The following CCDC171 variants were observed in gnomAD, a reference collection of about 807,000 sequenced individuals.
CCDC171 encodes coiled-coil domain-containing protein 171.
In CCDC171, 177 loss-of-function variants were observed where a neutral mutation model predicts 168.2. The ratio of observed to expected loss-of-function variants is 1.05; its 90% CI spans 0.93 to 1.19. CCDC171 has a LOEUF of 1.19. Ranked by LOEUF, CCDC171 falls within the 50% of genes most tolerant of loss-of-function variation. CCDC171 has a pLI of 0.00. For synonymous variants in CCDC171, 687 were observed against 540.8 expected (o/e 1.27, Z -3.75); for missense variants, 1,991 against 1,539.0 (o/e 1.29, Z -4.91).
At chr9:15,871,041 T>C (rs1588938468) in intron 23 of CCDC171, among the ~76,000 whole-genome samples, 1 of 151,638 alleles carries the variant, frequency 6.6e-6, no homozygotes, top group Middle Eastern at 3.5e-3. Context: ...ATATGTCTAT[T>C]AGAGATATCT....
chr9:15,695,524 C>G (rs1022598193), intron 11 of CCDC171, among the ~76,000 whole-genome samples, 187 bp downstream of exon 11: 2 of 152,156 alleles, frequency 1.3e-5, no homozygotes, highest in African/African-American at 4.8e-5. Flanking sequence ...GAATATGGAC[C>G]TGCTGTTGTC....
intron 3 of CCDC171, among the ~76,000 whole-genome samples, chr9:15,989,200 C>T (rs963160569): frequency 6.6e-6 from 1 of 152,168 alleles, no homozygotes; most frequent in Non-Finnish European, 1.5e-5. Flanking sequence ...ACTGACACAC[C>T]ACACGGCAGG....
intron 7 of CCDC171, among the ~76,000 whole-genome samples, chr9:15,629,324 G>T (rs1352951039): frequency 1.3e-5 from 2 of 152,202 alleles, no homozygotes; most frequent in Admixed American, 6.5e-5. Context: ...ATACAGAGAA[G>T]TGCTTAAAGG....
intron 7 of CCDC171, among the ~76,000 whole-genome samples, chr9:15,650,828 A>G (rs1029897533): frequency 6.6e-6 from 1 of 152,110 alleles, no homozygotes; most frequent in Admixed American, 6.6e-5. Flanking sequence ...GCTATTCATC[A>G]TCTTGAACAT....
At chr9:15,911,307 C>CT (rs1241458473) in intron 24 of CCDC171, among the ~76,000 whole-genome samples, 2 of 152,238 alleles carry the variant, frequency 1.3e-5, no homozygotes, top group African/African-American at 4.8e-5. Context: ...TGATGATGAG[C>CT]TTTTTTTCAT....
chr9:15,754,534 C>T (rs1023197741), intron 18 of CCDC171, among the ~76,000 whole-genome samples: 1 of 152,112 alleles, frequency 6.6e-6, no homozygotes, highest in African/African-American at 2.4e-5. Flanking sequence ...CGCATACACA[C>T]ACACACCCCT....
upstream of CCDC171, among the ~76,000 whole-genome samples, chr9:16,039,157 T>C (rs1833530168): frequency 3.9e-5 from 6 of 152,176 alleles, no homozygotes; most frequent in South Asian, 1.2e-3. Context: ...GTGCTTCTGG[T>C]TCCAGCTCAA....
chr9:15,923,671 A>G (rs1247495198), intron 25 of CCDC171, among the ~76,000 whole-genome samples: 2 of 151,514 alleles, frequency 1.3e-5, no homozygotes, highest in Non-Finnish European at 3.0e-5. Context: ...AACGATACCT[A>G]TGTGAGGTAT....
intron 24 of CCDC171, among the ~76,000 whole-genome samples, chr9:15,918,657 C>A (rs1206116015): frequency 7.3e-6 from 1 of 137,632 alleles, no homozygotes; most frequent in African/African-American, 2.5e-5. Flanking sequence ...GTCAGATATT[C>A]CCAGGTAAGA....
intron 24 of CCDC171, among the ~76,000 whole-genome samples, chr9:15,898,527 A>C (rs1283530734): frequency 1.3e-5 from 2 of 152,168 alleles, no homozygotes; most frequent in South Asian, 4.1e-4. Context: ...TGTGCAGAAG[A>C]CTGGTTGGTC....
intron 6 of CCDC171, among the ~76,000 whole-genome samples, chr9:15,622,909 A>ATTTCTT (rs2044619233): frequency 6.6e-6 from 1 of 152,232 alleles, no homozygotes; most frequent in Non-Finnish European, 1.5e-5. Context: ...TAAAAAGGGC[A>ATTTCTT]ATATACATTT....
chr9:15,784,920 C>G (rs2057860456), intron 21 of CCDC171, among the ~76,000 whole-genome samples: 2 of 152,026 alleles, frequency 1.3e-5, no homozygotes, highest in Non-Finnish European at 2.9e-5. Flanking sequence ...AAGTGAAGGT[C>G]TTTTCCAGTA....
intron 24 of CCDC171, among the ~76,000 whole-genome samples, chr9:15,914,146 C>A (rs1824134717): frequency 6.6e-6 from 1 of 152,198 alleles, no homozygotes; most frequent in African/African-American, 2.4e-5. Flanking sequence ...AGGAGGCAGT[C>A]TGTCCCTTAG....
intron 23 of CCDC171, among the ~76,000 whole-genome samples, chr9:15,857,608 A>C (rs1287885789): frequency 6.6e-6 from 1 of 151,910 alleles, no homozygotes; most frequent in East Asian, 1.9e-4. Flanking sequence ...TTTTTAATAG[A>C]GGTGGAGTTT....
intron 10 of CCDC171, among the ~76,000 whole-genome samples, chr9:15,688,691 G>A (rs1014867074): frequency 3.3e-5 from 5 of 152,046 alleles, no homozygotes; most frequent in African/African-American, 1.2e-4. Flanking sequence ...AGAATACAAG[G>A]AAGCTTCCTC....
intron 18 of CCDC171, among the ~76,000 whole-genome samples, chr9:15,777,209 G>C (rs1034593380): frequency 3.9e-5 from 6 of 152,172 alleles, no homozygotes; most frequent in Non-Finnish European, 7.4e-5. Flanking sequence ...AATTGCCTTG[G>C]AATAAGGCAA....
intron 21 of CCDC171, among the ~76,000 whole-genome samples, chr9:15,792,730 A>G (rs1284870947): frequency 1.3e-5 from 2 of 152,150 alleles, no homozygotes; most frequent in Non-Finnish European, 2.9e-5. Context: ...ACTAAGCTTC[A>G]TAAGCGAAGG....
the CCDC171 span, among the ~76,000 whole-genome samples, chr9:16,067,306 G>A: frequency 6.6e-6 from 1 of 151,944 alleles, no homozygotes; most frequent in African/African-American, 2.4e-5. Context: ...TTTTGATGGG[G>A]TTGTTTGTTT....
At chr9:15,737,321 A>G (rs1270536497) in intron 16 of CCDC171, among the ~76,000 whole-genome samples, 1 of 152,194 alleles carries the variant, frequency 6.6e-6, no homozygotes, top group African/African-American at 2.4e-5. Context: ...TAAATAATAC[A>G]AGGTTTATCA....
Sources: gnomAD v4.1 joint callset for allele counts (sites outside exome capture counted in the v4.1 genomes callset) on GRCh38, gnomAD v4.1.1 for gene constraint, MANE v1.5 for transcripts, NCBI Gene and HGNC (gene_info 2026-07-23, HGNC 2026-07-21) for gene names.